Variants in GLIS3 observed in about 807,000 individuals in gnomAD.
GLIS3 encodes GLIS family zinc finger 3.
In GLIS3, 53 loss-of-function variants were observed where a neutral mutation model predicts 78.6. The observed-to-expected ratio is 0.67, with a 90% CI of 0.54 to 0.85. GLIS3 has a LOEUF of 0.85. GLIS3 is among the 40% of genes least tolerant of loss of function. The probability of loss-of-function intolerance (pLI) is 0.00; values close to 1 mark genes in which losing one functional copy is unlikely to be tolerated. For missense variants in GLIS3, 1,703 were observed against 1,231.1 expected (o/e 1.38, Z -5.74); for synonymous variants, 684 against 509.9 (o/e 1.34, Z -4.60).
At position 4,118,063 on chromosome 9, in the gene GLIS3, T is replaced by C; in HGVS notation, c.1415A>G (p.Glu472Gly). ...YHAHAHLHHPELGPHAQQLAL... is the reference protein window; with the variant it reads ...YHAHAHLHHPGLGPHAQQLAL... ...CAGCTGCTGGGCGTGGGGCCCGAGC[T>C]CCGGGTGGTGAAGGTGCGCATGGGC... The change falls in exon 4 of 11, where the codon GAG becomes GGG. Residue 472 changes from glutamate to glycine, a missense_variant. Physicochemically the swap from Glu to Gly is moderately conservative, Grantham distance 98. Coordinates refer to ENST00000381971, the MANE Select transcript of GLIS3 (RefSeq NM_001042413.2). The surrounding 1 kb of genome is among the most constrained non-coding windows in gnomAD (Gnocchi z 4.7). 6.5e-7 allele frequency: 1 copy of C among 1,549,146 alleles called. No individual in the cohort carries two copies. The highest frequency in any genetic ancestry group is 1.4e-5 in the African/African-American group (1 of 72,064).
At chr9:4,072,753 T>C (rs1827718195) in intron 4 of GLIS3, among the ~76,000 whole-genome samples, 1 of 152,002 alleles carries the variant, frequency 6.6e-6, no homozygotes, top group South Asian at 2.1e-4. Flanking sequence ...TTTTTTTTGT[T>C]GTTGTTGTTA....
chr9:4,180,022 T>TA (rs1396937903), intron 2 of GLIS3, among the ~76,000 whole-genome samples: 1 of 152,180 alleles, frequency 6.6e-6, no homozygotes, highest in Non-Finnish European at 1.5e-5. Context: ...TTGGATCTCC[T>TA]ACACATTGTT....
At chr9:4,031,175 TCAAA>T (rs1246373513) in intron 4 of GLIS3, among the ~76,000 whole-genome samples, 3 of 152,152 alleles carry the variant, frequency 2.0e-5, no homozygotes, top group East Asian at 3.8e-4. Context: ...AAAATGGTAC[TCAAA>T]CAAATACGTC....
chr9:4,450,825 C>A, the GLIS3 span, among the ~76,000 whole-genome samples: 3 of 152,116 alleles, frequency 2.0e-5, no homozygotes, highest in African/African-American at 7.2e-5. Context: ...ACCAGGCCTG[C>A]CTTATAAAGA....
intron 9 of GLIS3, among the ~76,000 whole-genome samples, chr9:3,854,368 A>G (rs1387548031): frequency 2.0e-5 from 3 of 152,216 alleles, no homozygotes; most frequent in Non-Finnish European, 4.4e-5. Flanking sequence ...GAATGGTACA[A>G]GTACAAATTC....
chr9:3,994,645 A>G (rs1468622470), intron 4 of GLIS3, among the ~76,000 whole-genome samples: 1 of 152,192 alleles, frequency 6.6e-6, no homozygotes, highest in Non-Finnish European at 1.5e-5. Context: ...AAATTAACAG[A>G]ACTAAAACCT....
At chr9:3,858,126 A>T (rs1563782836) in intron 8 of GLIS3, among the ~76,000 whole-genome samples, 1 of 152,156 alleles carries the variant, frequency 6.6e-6, no homozygotes, top group Non-Finnish European at 1.5e-5. Flanking sequence ...AGATCCTTTG[A>T]TCGGCTCCCC....
chr9:4,052,420 C>T (rs1427389966), intron 4 of GLIS3, among the ~76,000 whole-genome samples: 1 of 152,078 alleles, frequency 6.6e-6, no homozygotes, highest in Non-Finnish European at 1.5e-5. Flanking sequence ...CAACTATCAC[C>T]ACCATCTAGT....
At chr9:4,375,382 A>G in the GLIS3 span, among the ~76,000 whole-genome samples, 1 of 152,212 alleles carries the variant, frequency 6.6e-6, no homozygotes, top group Admixed American at 6.5e-5. Context: ...AAATTATAGT[A>G]TATACAAGTT....
In GLIS3 at chr9:3,959,855, G is replaced by C. The variant is rs112753642; in HGVS notation, c.1711-22666C>G. Among the ~76,000 whole-genome samples, 1,389 of 152,296 alleles carry C rather than the reference G, an allele frequency of 9.1e-3. 17 individuals carry two copies. The highest frequency in any genetic ancestry group is 0.032 in the African/African-American group (1,341 of 41,568). On this transcript the variant is annotated intron_variant, in intron 4 of 10. Transcript: ENST00000381971. ...ATCCAATATGTGTGGTCCCTTTATA[G>C]AAAGAGGAAATTTGGGCCGGGAGCC...
chr9:4,258,613 T>C (rs1204772694), intron 2 of GLIS3, among the ~76,000 whole-genome samples: 1 of 152,224 alleles, frequency 6.6e-6, no homozygotes, highest in Non-Finnish European at 1.5e-5. Context: ...CCTTTGCTTT[T>C]GAGGACATCA....
At position 4,095,666 on chromosome 9, in the gene GLIS3, G is replaced by C. The variant is rs1829880543; in HGVS notation, c.1710+22102C>G. On this transcript the variant is annotated intron_variant, in intron 4 of 10. Transcript: ENST00000381971. The stretch of plus-strand genomic sequence containing the variant: ...CACTACTCATCCGTGAATGATGAAA[G>C]TGAGCGAGCTATAAATTTGCTTCAT... Among the ~76,000 whole-genome samples, 4 of 152,150 alleles carry C rather than the reference G, an allele frequency of 2.6e-5. No individual in the cohort carries two copies. In the South Asian group the frequency reaches 8.3e-4, roughly 32 times the overall value.
the GLIS3 span, among the ~76,000 whole-genome samples, chr9:4,467,578 T>C: frequency 2.0e-5 from 3 of 152,134 alleles, no homozygotes; most frequent in Non-Finnish European, 4.4e-5. Flanking sequence ...ACCTGACTGT[T>C]AGAAGGAAAA....
intron 2 of GLIS3, among the ~76,000 whole-genome samples, chr9:4,157,873 T>C (rs138140512): frequency 6.6e-6 from 1 of 152,326 alleles, no homozygotes; most frequent in African/African-American, 2.4e-5. Context: ...CATGGTTCAT[T>C]TAGAAACTTC....
chr9:3,888,177 T>G (rs1031672375), intron 7 of GLIS3, among the ~76,000 whole-genome samples: 2 of 152,088 alleles, frequency 1.3e-5, no homozygotes, highest in Non-Finnish European at 2.9e-5. Flanking sequence ...CTCCTGGAAG[T>G]TCTTACAGAA....
At chr9:4,386,276 A>T in the GLIS3 span, 5 of 152,186 alleles carry the variant, frequency 3.3e-5, no homozygotes, top group Admixed American at 3.3e-4. Flanking sequence ...GTGTCTATAC[A>T]TGTGTATTAT....
chr9:4,259,889 TG>T (rs922345324), intron 2 of GLIS3, among the ~76,000 whole-genome samples: 4 of 152,182 alleles, frequency 2.6e-5, no homozygotes, highest in African/African-American at 9.6e-5. Flanking sequence ...ACGGAGAAAA[TG>T]TGTTTTCAGG....
At chr9:4,183,391 T>A (rs995403541) in intron 2 of GLIS3, among the ~76,000 whole-genome samples, 13 of 152,206 alleles carry the variant, frequency 8.5e-5, no homozygotes, top group African/African-American at 3.1e-4. Context: ...ATTACTCATA[T>A]AATAGATATT....
At chr9:3,936,980 T>A in intron 5 of GLIS3, 48 bp downstream of exon 5, 1 of 1,610,886 alleles carries the variant, frequency 6.2e-7, no homozygotes, top group South Asian at 1.1e-5. Context: ...AGGCACTTCC[T>A]CACACCAGGC....
Sources: allele counts gnomAD v4.1 joint callset (sites outside exome capture counted in the v4.1 genomes callset), GRCh38; gene constraint gnomAD v4.1.1; non-coding constraint Gnocchi (gnomAD v3.1); transcripts MANE v1.5; gene names NCBI Gene and HGNC (gene_info 2026-07-23, HGNC 2026-07-21).